The following PNPLA7 variants were observed in gnomAD, a reference collection of about 807,000 sequenced individuals.
The protein encoded by PNPLA7 is patatin like domain 7, lysophospholipase.
A neutral mutation model predicts 161.7 loss-of-function variants in PNPLA7; 153 were observed. That is an observed-to-expected ratio of 0.95 (90% confidence interval 0.83 to 1.08). The LOEUF is 1.08. Among genes scored for constraint, PNPLA7 ranks in the 50% least tolerant of loss-of-function variants. PNPLA7 has a pLI of 0.00. For synonymous variants in PNPLA7, 809 were observed against 782.1 expected (o/e 1.03, Z -0.57); for missense variants, 1,739 against 1,856.6 (o/e 0.94, Z 1.16).
chr9:137,461,461 T>C, intron 33 of PNPLA7, 75 bp downstream of exon 33: 2 of 1,189,100 alleles, frequency 1.7e-6, no homozygotes, highest in Non-Finnish European at 2.2e-6. Flanking sequence ...GCCTCTGGGG[T>C]GGGGGGGTTC....
intron 32 of PNPLA7, 106 bp from the exon 33 acceptor site, chr9:137,461,726 C>T: frequency 7.7e-7 from 1 of 1,298,418 alleles, no homozygotes; most frequent in Admixed American, 2.3e-5. Context: ...TCTCTGCAGC[C>T]TCCGCCTGCC....
chr9:137,515,531 G>A lies in PNPLA7; in HGVS notation c.1085-12C>T. 1 of 1,526,250 alleles carries A rather than the reference G, an allele frequency of 6.6e-7. No homozygotes were observed. Among genetic ancestry groups the A allele is most frequent in the Non-Finnish European group, 8.8e-7 (1 of 1,140,346 alleles). The allele number at this position is 1,526,250 out of a possible 1,614,324, so 94.5% of individuals were successfully genotyped here. A position where few individuals can be genotyped will look rare whatever the true frequency, so the allele number is the denominator to read the frequency against. On this transcript the variant is annotated splice_polypyrimidine_tract_variant and intron_variant, in intron 11 of 34. Transcript: ENST00000406427. ...GCCGCCCCCGTGATCTGCTGGGGAG[G>A]CAGCCGTAAGCAACCTTGTTTGCAC...
chr9:137,527,380 T>C (rs1411915200), intron 8 of PNPLA7, among the ~76,000 whole-genome samples: 2 of 152,108 alleles, frequency 1.3e-5, no homozygotes, highest in African/African-American at 4.8e-5. Context: ...TCAGGCACGA[T>C]GTTTGCTTTC....
At chr9:137,479,515 C>A in intron 23 of PNPLA7, 1 of 1,171,068 alleles carries the variant, frequency 8.5e-7, no homozygotes, top group Non-Finnish European at 1.1e-6. Context: ...ACACACACAG[C>A]AACCTTTCCA....
chr9:137,507,695 G>T (rs543040091), intron 12 of PNPLA7, among the ~76,000 whole-genome samples: 1 of 150,874 alleles, frequency 6.6e-6, no homozygotes, highest in African/African-American at 2.5e-5. Flanking sequence ...AATAAAATAC[G>T]GGGGCCAGGC....
At chr9:137,504,624 C>G (rs1417196110) in intron 14 of PNPLA7, among the ~76,000 whole-genome samples, 1 of 152,060 alleles carries the variant, frequency 6.6e-6, no homozygotes, top group Admixed American at 6.6e-5. Context: ...AGTCAGGGGT[C>G]CAGGAACACG....
At chr9:137,495,646 A>G (rs1001543348) in intron 18 of PNPLA7, among the ~76,000 whole-genome samples, 4 of 152,184 alleles carry the variant, frequency 2.6e-5, no homozygotes, top group African/African-American at 9.6e-5. Context: ...GGGTTTCACC[A>G]TGTTAGCCAG....
intron 20 of PNPLA7, among the ~76,000 whole-genome samples, chr9:137,487,862 C>T (rs1002169444): frequency 6.6e-6 from 1 of 152,224 alleles, no homozygotes; most frequent in African/African-American, 2.4e-5. Flanking sequence ...CACAACCTGG[C>T]ACGCCCTGCG....
At chr9:137,477,982 G>A (rs1383919190) in intron 25 of PNPLA7, 52 bp downstream of exon 25, 188 of 1,261,348 alleles carry the variant, frequency 1.5e-4, no homozygotes, top group Non-Finnish European at 1.8e-4. Context: ...CCGAGGGGGC[G>A]ACTGTCACCA....
Position 137,460,737 on chromosome 9 carries a change from T to C in PNPLA7, c.3842A>G (p.Asp1281Gly). ...GTACTCCGTCTGGTAGTCAGATTCGTCTGGCACCGAGGGTAGGGCTGCGTC... is the reference window on the plus strand; with the variant it reads ...GTACTCCGTCTGGTAGTCAGATTCGCCTGGCACCGAGGGTAGGGCTGCGTC... ...IEPAKPAMVD[D>G]ESDYQTEYEE... Residue 1281 changes from aspartate (D) to glycine (G), a missense_variant and splice_region_variant, in exon 34 of 35, where the codon GAC becomes GGC. Transcript: ENST00000406427. 6.2e-7 allele frequency: 1 copy of C among 1,612,220 alleles called. No homozygotes were observed. The highest frequency in any genetic ancestry group is 1.3e-5 in the African/African-American group (1 of 75,032).
At chr9:137,515,343 G>A (rs1461739238) in intron 12 of PNPLA7, 36 bp downstream of exon 12, 19 of 1,589,696 alleles carry the variant, frequency 1.2e-5, no homozygotes, top group Non-Finnish European at 1.6e-5. Context: ...AGGGCCTGTG[G>A]GTCACACTGG....
At chr9:137,481,089 C>T (rs1359302140) in intron 21 of PNPLA7, 66 bp from the exon 22 acceptor site, 23 of 1,507,388 alleles carry the variant, frequency 1.5e-5, no homozygotes, top group South Asian at 4.8e-5. Flanking sequence ...AACAAGGCAC[C>T]GACACCCAGC....
At position 137,523,055 on chromosome 9, in the gene PNPLA7, C is replaced by T. The variant is rs12236403; in HGVS notation, c.748-198G>A. Among the ~76,000 whole-genome samples, 1,840 of 152,236 alleles carry T rather than the reference C, an allele frequency of 0.012. 32 individuals carry two copies. The highest frequency in any genetic ancestry group is 0.042 in the African/African-American group (1,726 of 41,532). On this transcript the variant is annotated intron_variant, in intron 8 of 34. Transcript: ENST00000406427. This position sits in a 1 kb window ranked among gnomAD's most constrained non-coding sequence, Gnocchi z 4.4. ...GTTTTTTGACTGTCCAAGACATGTG[C>T]GGCGAAGGACTGGCTGACGATGAAA...
chr9:137,522,396 G>T (rs548203364), intron 9 of PNPLA7, among the ~76,000 whole-genome samples: 130 of 148,502 alleles, frequency 8.8e-4, no homozygotes, highest in African/African-American at 3.0e-3. Context: ...TTCACCGTGT[G>T]AGCCAGGATG....
At position 137,526,516 on chromosome 9, in the gene PNPLA7, A is replaced by T. The variant is rs1331171282; in HGVS notation, c.748-3659T>A. Reference sequence around the variant, plus strand: ...ATGGTCTCAATCTCCTGACCTCATGATCCACCCGCCTCAGCCTCCCAAAGT... The same window carrying T: ...ATGGTCTCAATCTCCTGACCTCATGTTCCACCCGCCTCAGCCTCCCAAAGT... On this transcript the variant is annotated intron_variant, in intron 8 of 34. Coordinates refer to ENST00000406427, the MANE Select transcript of PNPLA7 (RefSeq NM_001098537.3). Among the ~76,000 whole-genome samples the T allele has an allele frequency of 2.6e-5, 4 of 152,120 alleles. No individual in the cohort carries two copies. In the East Asian group the frequency reaches 7.7e-4, roughly 29 times the overall value.
chr9:137,479,286 C>T (rs776085573), intron 23 of PNPLA7, 48 bp from the exon 24 acceptor site: 68 of 1,469,444 alleles, frequency 4.6e-5, no homozygotes, highest in South Asian at 1.5e-4. Flanking sequence ...GCCTGGGACT[C>T]GGGACAGGAC....
chr9:137,480,827 C>T, intron 22 of PNPLA7, 133 bp downstream of exon 22: 1 of 1,019,928 alleles, frequency 9.8e-7, no homozygotes, highest in Non-Finnish European at 1.5e-6. Flanking sequence ...GTCACGTCAT[C>T]AGCCCTCACA....
At chr9:137,546,010 C>T (rs1339009544) in intron 4 of PNPLA7, among the ~76,000 whole-genome samples, 2 of 152,126 alleles carry the variant, frequency 1.3e-5, no homozygotes, top group African/African-American at 2.4e-5. Context: ...GTCAGGTTCG[C>T]CCGCAGTTAT....
At chr9:137,538,640 AT>A (rs1171645320) in intron 8 of PNPLA7, among the ~76,000 whole-genome samples, 3 of 152,254 alleles carry the variant, frequency 2.0e-5, no homozygotes, top group African/African-American at 7.2e-5. Flanking sequence ...TAAGATTAAA[AT>A]CAGTTACCTC....
Sources: gnomAD v4.1 joint callset for allele counts (sites outside exome capture counted in the v4.1 genomes callset) on GRCh38, gnomAD v4.1.1 for gene constraint, Gnocchi (gnomAD v3.1) non-coding constraint, MANE v1.5 for transcripts, NCBI Gene and HGNC (gene_info 2026-07-23, HGNC 2026-07-21) for gene names.